The following PGAM1 variants were observed in gnomAD, a reference collection of about 807,000 sequenced individuals.
The protein encoded by PGAM1 is BPG-dependent PGAM 1.
A neutral mutation model predicts 23.5 loss-of-function variants in PGAM1; 21 were observed. That is an observed-to-expected ratio of 0.89 (90% CI 0.63 to 1.29). The LOEUF (loss-of-function observed/expected upper bound fraction) is 1.29. Ranked by LOEUF, PGAM1 falls within the 50% of genes most tolerant of loss-of-function variation. The probability of loss-of-function intolerance (pLI) is 0.00; values close to 1 mark genes in which losing one functional copy is unlikely to be tolerated. For synonymous variants in PGAM1, 109 were observed against 128.6 expected (o/e 0.85, Z 1.03); for missense variants, 232 against 336.3 (o/e 0.69, Z 2.42).
At position 97,433,067 on chromosome 10, in the gene PGAM1, TTA is replaced by T. The variant is rs1845489058; in HGVS notation, c.*545_*546del. ...AGGTTGGGATCAATCCTGAATTTCG[TTA>T]TGTGTTAATTTACTTTTATTAAAAA... On this transcript the variant is annotated 3_prime_UTR_variant, in exon 4 of 4. Coordinates refer to ENST00000334828, the MANE Select transcript of PGAM1 (RefSeq NM_002629.4). The T allele has an allele frequency of 1.3e-5, 2 of 156,578 alleles. No homozygotes were observed. Among genetic ancestry groups the T allele is most frequent in the African/African-American group, 2.5e-5 (1 of 40,170 alleles). 9.7% of individuals were successfully genotyped at this position (156,578 alleles called of 1,614,324 possible).
intron 1 of PGAM1, 21 bp from the exon 2 acceptor site, chr10:97,430,358 C>A (rs1318888702): frequency 6.2e-7 from 1 of 1,611,846 alleles, no homozygotes; most frequent in Non-Finnish European, 8.5e-7. Context: ...TAGCTTATCA[C>A]TTTGAACTTC....
At position 97,426,210 on chromosome 10, in the gene PGAM1, G is replaced by C. The variant is rs1433512574; in HGVS notation, c.-98G>C. Reference sequence around the variant, plus strand: ...TTGGGCGAGAACTTGCGCGGGAGCCGGACTGAGCGGTGCGAGCGCGCAGGC... The same window carrying C: ...TTGGGCGAGAACTTGCGCGGGAGCCCGACTGAGCGGTGCGAGCGCGCAGGC... On this transcript the variant is annotated 5_prime_UTR_variant, in exon 1 of 4. Transcript: ENST00000334828. 12 of 1,569,860 alleles carry C rather than the reference G, an allele frequency of 7.6e-6. No homozygotes were observed. The highest frequency in any genetic ancestry group is 1.0e-5 in the Non-Finnish European group (12 of 1,146,962).
Position 97,430,432 on chromosome 10 carries a change from C to G in PGAM1, c.193C>G (p.Arg65Gly). The change falls in exon 2 of 4, where the codon CGG (arginine) becomes GGG (glycine). Residue 65 changes from arginine to glycine, a missense_variant. Physicochemically the swap from Arg to Gly is moderately radical, Grantham distance 125. Transcript: ENST00000334828. ...CFTSVQKRAI[R>G]TLWTVLDAID... ...CACCTCAGTGCAGAAGAGAGCGATC[C>G]GGACCCTCTGGACAGTGCTAGATGC... is the stretch of plus-strand genomic sequence containing the variant. 1 of 1,610,262 alleles carries G rather than the reference C, an allele frequency of 6.2e-7. No individual in the cohort carries two copies. Among genetic ancestry groups the G allele is most frequent in the Non-Finnish European group, 8.5e-7 (1 of 1,179,606 alleles).
chr10:97,428,450 GC>G (rs1191295578), intron 1 of PGAM1, among the ~76,000 whole-genome samples: 3 of 152,142 alleles, frequency 2.0e-5, no homozygotes, highest in African/African-American at 4.8e-5. Flanking sequence ...CCCTGTGAGT[GC>G]CCCTGGCTAT....
intron 1 of PGAM1, 40 bp downstream of exon 1, chr10:97,426,486 T>TCCGGCCTCGGAGGCCGCCTGGCTGG: frequency 1.3e-6 from 2 of 1,528,846 alleles, no homozygotes; most frequent in Non-Finnish European, 1.8e-6. Flanking sequence ...GGGCCGGGTG[T>TCCGGCCTCGGAGGCCGCCTGGCTGG]CCGGCCTCGG....
chr10:97,432,254 T>TAGAC lies in PGAM1; in HGVS notation c.596-100_596-99insGACA, dbSNP rs1845478506. 4.7e-6 allele frequency: 7 copies of TAGAC among 1,498,668 alleles called. No homozygotes were observed. The South Asian group carries it at 8.0e-5, about 17-fold the overall frequency. The allele number at this position is 1,498,668 out of a possible 1,614,324, so 92.8% of individuals were successfully genotyped here. A position where few individuals can be genotyped will look rare whatever the true frequency, so the allele number is the denominator to read the frequency against. On this transcript the variant is annotated intron_variant, in intron 3 of 3. Transcript: ENST00000334828. ...AAAGATCAGAAAGGGTGTCTTATTTTAATTTCTGTCAAAGTCCTTTATCAC... is the reference window on the plus strand; with the variant it reads ...AAAGATCAGAAAGGGTGTCTTATTTTAGACAATTTCTGTCAAAGTCCTTTATCAC...
At position 97,430,510 on chromosome 10, in the gene PGAM1, C is replaced by T. The variant is rs1845457776; in HGVS notation, c.271C>T (p.His91Tyr). The change falls in exon 2 of 4, where the codon CAC (histidine) becomes TAC (tyrosine). Residue 91 changes from histidine (H) to tyrosine (Y), a missense_variant. Around this residue, in one of 3 missense-constraint regions of PGAM1, gnomAD observed 191 missense variants for 241.7 expected, o/e 0.79. Transcript: ENST00000334828. ...VVRTWRLNERHYGGLTGLNKA... is the reference protein window; with the variant it reads ...VVRTWRLNERYYGGLTGLNKA... ...GAGGACTTGGCGCCTCAATGAGCGG[C>T]ACTATGGGGGTCTAACCGGTCTCAA... 6.2e-7 allele frequency: 1 copy of T among 1,601,294 alleles called. No homozygotes were observed. Among genetic ancestry groups the T allele is most frequent in the African/African-American group, 1.3e-5 (1 of 74,838 alleles).
At chr10:97,426,486 T>C in intron 1 of PGAM1, 40 bp downstream of exon 1, 1 of 1,528,846 alleles carries the variant, frequency 6.5e-7, no homozygotes. Flanking sequence ...GGGCCGGGTG[T>C]CCGGCCTCGG....
intron 1 of PGAM1, among the ~76,000 whole-genome samples, chr10:97,429,761 G>T (rs976077308): frequency 1.3e-5 from 2 of 152,128 alleles, no homozygotes; most frequent in African/African-American, 4.8e-5. Flanking sequence ...AGTACAGGAA[G>T]AGCTCTTCCT....
chr10:97,430,883 T>C, intron 2 of PGAM1, 72 bp from the exon 3 acceptor site: 14 of 1,593,526 alleles, frequency 8.8e-6, no homozygotes, highest in Admixed American at 3.3e-5. Context: ...TGGGCCAAAA[T>C]CGATACATCA....
In PGAM1 at chr10:97,426,301, C is replaced by T. The variant is rs772033542; in HGVS notation, c.-7C>T. ...CCCAGTCGGTGCCGCATCCCCAGCC[C>T]GCCGCCATGGCCGCCTACAAACTGG... On this transcript the variant is annotated 5_prime_UTR_variant, in exon 1 of 4. Transcript: ENST00000334828. The T allele has an allele frequency of 9.9e-5, 159 of 1,610,096 alleles. No homozygotes were observed. The highest frequency in any genetic ancestry group is 1.3e-4 in the Non-Finnish European group (148 of 1,179,260).
At chr10:97,431,157 C>T (rs150521104) in intron 3 of PGAM1, 22 bp downstream of exon 3, 51 of 1,613,820 alleles carry the variant, frequency 3.2e-5, no homozygotes, top group African/African-American at 2.1e-4. Flanking sequence ...TTTTCAGAGG[C>T]GCCCTCAAGG....
chr10:97,427,961 A>G, intron 1 of PGAM1: 62 of 584,288 alleles, frequency 1.1e-4, no homozygotes, highest in Non-Finnish European at 1.6e-4. Flanking sequence ...TGGGGTGGGC[A>G]GGGGAGTGAT....
rs374798118 is a variant in PGAM1, at chr10:97,430,277, A to C, written c.140-102A>C. On this transcript the variant is annotated intron_variant, in intron 1 of 3. Coordinates refer to ENST00000334828, the MANE Select transcript of PGAM1 (RefSeq NM_002629.4). ...GGCCAAATATTTTCTTTTTTGGCCA[A>C]ATATTGTCATTTGGACTACTTGTAC... 44 of 1,433,466 alleles carry C rather than the reference A, an allele frequency of 3.1e-5. No individual in the cohort carries two copies. In the Middle Eastern group the frequency reaches 1.2e-3, roughly 39 times the overall value. 88.8% of individuals were successfully genotyped at this position (1,433,466 alleles called of 1,614,324 possible).
In PGAM1 at chr10:97,430,258, A is replaced by G. The variant is rs1433717448; in HGVS notation, c.140-121A>G. On this transcript the variant is annotated intron_variant, in intron 1 of 3. Coordinates refer to ENST00000334828, the MANE Select transcript of PGAM1 (RefSeq NM_002629.4). Reference sequence around the variant, plus strand: ...AAGGATAAACAAAACAGTTGGCCAAATATTTTCTTTTTTGGCCAAATATTG... The same window carrying G: ...AAGGATAAACAAAACAGTTGGCCAAGTATTTTCTTTTTTGGCCAAATATTG... 17 of 1,234,104 alleles carry G rather than the reference A, an allele frequency of 1.4e-5. No homozygotes were observed. In the East Asian group the frequency reaches 3.9e-4, roughly 29 times the overall value. 76.4% of individuals were successfully genotyped at this position (1,234,104 alleles called of 1,614,324 possible).
At chr10:97,430,775 G>A (rs1228398572) in intron 2 of PGAM1, 122 bp downstream of exon 2, 2 of 1,499,826 alleles carry the variant, frequency 1.3e-6, no homozygotes, top group Non-Finnish European at 1.8e-6. Flanking sequence ...TCCTTCTCCA[G>A]TGAATGACCT....
intron 2 of PGAM1, 60 bp from the exon 3 acceptor site, chr10:97,430,895 G>A: frequency 1.2e-6 from 2 of 1,600,290 alleles, no homozygotes; most frequent in Non-Finnish European, 1.7e-6. Context: ...GATACATCAT[G>A]AAGTCTTTTA....
chr10:97,429,436 C>T (rs1845445464), intron 1 of PGAM1, among the ~76,000 whole-genome samples: 2 of 152,134 alleles, frequency 1.3e-5, no homozygotes, highest in South Asian at 2.1e-4. Context: ...TTCATTGGGC[C>T]AACATAACTC....
intron 3 of PGAM1, 66 bp from the exon 4 acceptor site, chr10:97,432,289 A>G (rs1437564212): frequency 1.2e-5 from 19 of 1,604,106 alleles, no homozygotes; most frequent in Non-Finnish European, 1.5e-5. Flanking sequence ...CCTGGAGGAC[A>G]AAGTAAACCT....
Sources: gnomAD v4.1 joint callset for allele counts (sites outside exome capture counted in the v4.1 genomes callset) on GRCh38, gnomAD v4.1.1 for gene constraint, gnomAD v4.1.1 regional missense constraint, MANE v1.5 for transcripts, NCBI Gene and HGNC (gene_info 2026-07-23, HGNC 2026-07-21) for gene names.